Variants in PCDH9 observed in about 807,000 individuals in gnomAD.
PCDH9 encodes the protein protocadherin-9.
PCDH9 carries 24 observed loss-of-function variants against 70.6 expected under a neutral mutation model. That is an observed-to-expected ratio of 0.34 (90% CI 0.25 to 0.48). The LOEUF is 0.48. Ranked by LOEUF, PCDH9 falls within the 20% of genes least tolerant of loss-of-function variation. PCDH9 has a pLI of 0.99. For missense variants in PCDH9, 1,281 were observed against 1,503.6 expected (o/e 0.85, Z 2.45); for synonymous variants, 562 against 558.5 (o/e 1.01, Z -0.09).
At chr13:67,224,660 A>AT in intron 2 of PCDH9, 1 of 253,046 alleles carries the variant, frequency 4.0e-6, no homozygotes, top group Non-Finnish European at 6.2e-6. Context: ...ATGCATTACT[A>AT]AGATGAGAGA....
intron 3 of PCDH9, among the ~76,000 whole-genome samples, chr13:66,804,212 G>C (rs1284264064): frequency 2.6e-5 from 4 of 151,992 alleles, no homozygotes; most frequent in African/African-American, 4.8e-5. Context: ...TTGTGTTTTG[G>C]ACAAACACTC....
At chr13:66,586,643 G>A (rs74093371) in intron 4 of PCDH9, among the ~76,000 whole-genome samples, 3 of 152,192 alleles carry the variant, frequency 2.0e-5, no homozygotes, top group African/African-American at 7.2e-5. Context: ...CACATAATTG[G>A]CCCGAGGAAG....
intron 3 of PCDH9, among the ~76,000 whole-genome samples, chr13:66,899,476 A>T (rs1366324174): frequency 1.3e-5 from 2 of 152,006 alleles, no homozygotes; most frequent in African/African-American, 4.8e-5. Flanking sequence ...AAATTCATAC[A>T]CTGAACACTA....
intron 2 of PCDH9, among the ~76,000 whole-genome samples, chr13:67,162,747 C>T (rs1263498625): frequency 6.6e-6 from 1 of 151,792 alleles, no homozygotes; most frequent in Non-Finnish European, 1.5e-5. Flanking sequence ...ATCGAGTACC[C>T]CCTAGACATT....
rs967004696 is a variant in PCDH9, at chr13:66,332,870, A to T, written c.3341-27842T>A. Among the ~76,000 whole-genome samples, 3 of 151,840 alleles carry T rather than the reference A, an allele frequency of 2.0e-5. No individual in the cohort carries two copies. In the South Asian group the frequency reaches 6.2e-4, roughly 31 times the overall value. The stretch of plus-strand genomic sequence containing the variant: ...CTATGTGAAAATATATGTACTTATT[A>T]ATTCTACTCTTTCACAGAACTAAAC... On this transcript the variant is annotated intron_variant, in intron 4 of 4. Transcript: ENST00000377865.
chr13:66,470,141 G>A (rs1958589671), intron 4 of PCDH9, among the ~76,000 whole-genome samples: 3 of 152,046 alleles, frequency 2.0e-5, no homozygotes, highest in South Asian at 4.1e-4. Context: ...TTCTATATTA[G>A]TATAATTGCT....
intron 3 of PCDH9, among the ~76,000 whole-genome samples, chr13:66,784,536 T>C (rs2080049972): frequency 6.6e-6 from 1 of 152,160 alleles, no homozygotes. Flanking sequence ...ATCCTCTATA[T>C]GTCTTAAGTG....
chr13:66,657,610 C>T (rs749489568), intron 3 of PCDH9, among the ~76,000 whole-genome samples: 7 of 152,178 alleles, frequency 4.6e-5, no homozygotes, highest in Non-Finnish European at 1.0e-4. Context: ...AGTATTGAAG[C>T]GATTCTTTGG....
chr13:66,503,879 T>C (rs907259637), intron 4 of PCDH9, among the ~76,000 whole-genome samples: 1 of 152,192 alleles, frequency 6.6e-6, no homozygotes, highest in African/African-American at 2.4e-5. Flanking sequence ...TATAAGATCC[T>C]ACCATATCAG....
intron 2 of PCDH9, among the ~76,000 whole-genome samples, chr13:67,083,944 T>C (rs1028707394): frequency 6.6e-6 from 1 of 152,144 alleles, no homozygotes; most frequent in Non-Finnish European, 1.5e-5. Context: ...GGATACACCA[T>C]TTACCCCACT....
intron 4 of PCDH9, among the ~76,000 whole-genome samples, chr13:66,327,032 C>G (rs1955861237): frequency 6.6e-6 from 1 of 151,780 alleles, no homozygotes; most frequent in Non-Finnish European, 1.5e-5. Flanking sequence ...CCAAGGCAGT[C>G]CAAATTGTCT....
At chr13:66,911,661 A>C (rs2082469260) in intron 2 of PCDH9, among the ~76,000 whole-genome samples, 1 of 152,180 alleles carries the variant, frequency 6.6e-6, no homozygotes, top group Non-Finnish European at 1.5e-5. Flanking sequence ...CCCTCCTTAT[A>C]TTATTACCTT....
intron 3 of PCDH9, among the ~76,000 whole-genome samples, chr13:66,834,453 T>C (rs2080982077): frequency 6.6e-6 from 1 of 152,116 alleles, no homozygotes; most frequent in Non-Finnish European, 1.5e-5. Context: ...CTGATGGTCT[T>C]TTGGTTTCTG....
intron 3 of PCDH9, among the ~76,000 whole-genome samples, chr13:66,707,677 C>G (rs1283992925): frequency 6.6e-6 from 1 of 152,172 alleles, no homozygotes; most frequent in Non-Finnish European, 1.5e-5. Flanking sequence ...AAGAAACATG[C>G]TCCTCTCTCT....
intron 4 of PCDH9, chr13:66,323,410 C>T (rs892499485): frequency 6.6e-6 from 1 of 151,822 alleles, no homozygotes; most frequent in Admixed American, 6.6e-5. Context: ...AAGAGTAAGT[C>T]GTTTATAGGC....
chr13:66,652,255 T>G (rs2138993559), intron 3 of PCDH9, among the ~76,000 whole-genome samples: 1 of 152,174 alleles, frequency 6.6e-6, no homozygotes, highest in Middle Eastern at 3.4e-3. Context: ...AATCAAAAAA[T>G]GATTAGAACT....
chr13:66,902,956 T>C (rs895353502), intron 3 of PCDH9, among the ~76,000 whole-genome samples: 1 of 151,820 alleles, frequency 6.6e-6, no homozygotes, highest in Middle Eastern at 3.4e-3. Context: ...ATGAACTAAC[T>C]TTTTTAAAAA....
At chr13:66,872,314 A>G (rs977724870) in intron 3 of PCDH9, among the ~76,000 whole-genome samples, 17 of 152,164 alleles carry the variant, frequency 1.1e-4, no homozygotes, top group African/African-American at 3.9e-4. Flanking sequence ...TTCATAGGGC[A>G]ACATAAGATT....
chr13:67,174,806 T>G (rs1276265018), intron 2 of PCDH9, among the ~76,000 whole-genome samples: 1 of 152,072 alleles, frequency 6.6e-6, no homozygotes, highest in African/African-American at 2.4e-5. Context: ...TGCAGATAAA[T>G]TTTGCATTAT....
Sources: allele counts gnomAD v4.1 joint callset (sites outside exome capture counted in the v4.1 genomes callset), GRCh38; gene constraint gnomAD v4.1.1; transcripts MANE v1.5; gene names NCBI Gene and HGNC (gene_info 2026-07-23, HGNC 2026-07-21).